Variants in BANK1 observed in about 807,000 individuals in gnomAD.
BANK1 encodes the protein B cell scaffold protein with ankyrin repeats 1.
In BANK1, 95 loss-of-function variants were observed where a neutral mutation model predicts 94.5. That is an observed-to-expected ratio of 1.00 (90% CI 0.85 to 1.19). The LOEUF is 1.19. Among genes scored for constraint, BANK1 ranks in the 50% most tolerant of loss-of-function variants. The pLI is 0.00. For missense variants in BANK1, 987 were observed against 932.2 expected, an observed-to-expected ratio of 1.06 and a Z score of -0.77; for synonymous variants, 334 against 308.4, an observed-to-expected ratio of 1.08 and a Z score of -0.87.
At chr4:102,051,669 C>T (rs1728050477) in intron 11 of BANK1, among the ~76,000 whole-genome samples, 1 of 152,200 alleles carries the variant, frequency 6.6e-6, no homozygotes, top group South Asian at 2.1e-4. Flanking sequence ...TTTAATCCCT[C>T]CCTTACCTCC....
At chr4:101,958,976 C>T (rs1333985262) in intron 7 of BANK1, among the ~76,000 whole-genome samples, 4 of 152,072 alleles carry the variant, frequency 2.6e-5, no homozygotes, top group African/African-American at 7.2e-5. Flanking sequence ...AAAAAACTTG[C>T]GGATGGTCCT....
chr4:101,884,334 A>T (rs1020441371), intron 5 of BANK1, among the ~76,000 whole-genome samples: 1 of 152,178 alleles, frequency 6.6e-6, no homozygotes, highest in African/African-American at 2.4e-5. Flanking sequence ...ACCATTGACC[A>T]AAGTTACTGT....
Position 102,030,268 on chromosome 4 carries a change from A to G in BANK1, c.1900+3A>G, listed in dbSNP as rs761561761. On this transcript the variant is annotated splice_donor_region_variant and intron_variant, in intron 10 of 16. Coordinates refer to ENST00000322953, the MANE Select transcript of BANK1 (RefSeq NM_017935.5). ...AACTACACCTTACATAGCTCAAGGTAATTATCATTGTTGTTTGTTTACTTG... is the reference window on the plus strand; with the variant it reads ...AACTACACCTTACATAGCTCAAGGTGATTATCATTGTTGTTTGTTTACTTG... The G allele has an allele frequency of 7.0e-5, 109 of 1,561,314 alleles. No homozygotes were observed. The highest frequency in any genetic ancestry group is 3.4e-4 in the Middle Eastern group (2 of 5,818).
chr4:101,855,133 G>C lies in BANK1; in HGVS notation c.568G>C (p.Ala190Pro). ...AAAGGAAATTGAAGAACTATCAGAA[G>C]CTTCAAGAAACACCATACCACTAGC... ...ERKEIEELSE[A>P]SRNTIPLAVV... The change falls in exon 3 of 17, where the codon GCT (alanine) becomes CCT (proline). Residue 190 changes from alanine to proline, a missense_variant. Physicochemically the swap from Ala to Pro is conservative, Grantham distance 27. Coordinates refer to ENST00000322953, the MANE Select transcript of BANK1 (RefSeq NM_017935.5). 1 of 1,613,654 alleles carries C rather than the reference G, an allele frequency of 6.2e-7. No homozygotes were observed. The highest frequency in any genetic ancestry group is 8.5e-7 in the Non-Finnish European group (1 of 1,179,604).
chr4:101,910,265 A>G (rs1052935400), intron 6 of BANK1, among the ~76,000 whole-genome samples: 32 of 152,230 alleles, frequency 2.1e-4, no homozygotes, highest in African/African-American at 3.6e-4. Context: ...TGAATCACCA[A>G]TGAGAACCAC....
intron 1 of BANK1, among the ~76,000 whole-genome samples, chr4:101,794,731 G>A (rs4522865): frequency 0.62 from 93,520 of 151,870 alleles, 29,472 homozygotes; most frequent in African/African-American, 0.75. Flanking sequence ...AGCCTTTTAG[G>A]CATTTACCCC....
At chr4:101,989,468 T>G (rs1273671151) in intron 7 of BANK1, among the ~76,000 whole-genome samples, 2 of 151,418 alleles carry the variant, frequency 1.3e-5, no homozygotes, top group Non-Finnish European at 2.9e-5. Flanking sequence ...TTCTTGAATT[T>G]AAAAACCAGA....
At position 102,030,248 on chromosome 4, in the gene BANK1, C is replaced by T. The variant is rs763926881; in HGVS notation, c.1883C>T (p.Thr628Ile). 1.9e-6 allele frequency: 3 copies of T among 1,583,612 alleles called. No individual in the cohort carries two copies. The Admixed American group carries it at 5.9e-5, about 31-fold the overall frequency. The part of the protein sequence containing the change: ...PTSIPPKEET[T>I]PYIAQVFQQK... ...AGTATACCTCCAAAAGAGGAAACTACACCTTACATAGCTCAAGGTAATTAT... is the reference window on the plus strand; with the variant it reads ...AGTATACCTCCAAAAGAGGAAACTATACCTTACATAGCTCAAGGTAATTAT... The change falls in exon 10 of 17, where the codon ACA becomes ATA. Residue 628 changes from threonine (T) to isoleucine (I), a missense_variant. Physicochemically the swap from Thr to Ile is moderately conservative, Grantham distance 89. Coordinates refer to ENST00000322953, the MANE Select transcript of BANK1 (RefSeq NM_017935.5).
intron 7 of BANK1, among the ~76,000 whole-genome samples, chr4:101,933,192 T>A (rs1182264222): frequency 6.6e-6 from 1 of 151,010 alleles, no homozygotes; most frequent in Non-Finnish European, 1.5e-5. Flanking sequence ...ATGGTAGGGA[T>A]AGGACCATAG....
At chr4:102,029,745 G>T (rs1455957023) in intron 9 of BANK1, among the ~76,000 whole-genome samples, 1 of 151,860 alleles carries the variant, frequency 6.6e-6, no homozygotes, top group Non-Finnish European at 1.5e-5. Context: ...ACTACAAAGT[G>T]CAGGATGATT....
At chr4:102,042,238 A>T (rs2148955571) in intron 10 of BANK1, among the ~76,000 whole-genome samples, 1 of 152,190 alleles carries the variant, frequency 6.6e-6, no homozygotes, top group African/African-American at 2.4e-5. Flanking sequence ...ATTTATTTTA[A>T]TATCCTAACG....
At chr4:101,868,382 C>T (rs1168782116) in intron 4 of BANK1, among the ~76,000 whole-genome samples, 1 of 151,874 alleles carries the variant, frequency 6.6e-6, no homozygotes, top group Non-Finnish European at 1.5e-5. Context: ...TGAACAGAAG[C>T]ATTATATAAT....
chr4:101,818,210 ACTG>A (rs992167227), intron 1 of BANK1, among the ~76,000 whole-genome samples: 5 of 152,184 alleles, frequency 3.3e-5, no homozygotes, highest in Non-Finnish European at 5.9e-5. Flanking sequence ...GGGAAAGGTT[ACTG>A]CTGTTTCTAC....
chr4:101,903,893 C>G (rs571174780), intron 6 of BANK1, among the ~76,000 whole-genome samples: 2 of 152,036 alleles, frequency 1.3e-5, no homozygotes, highest in Non-Finnish European at 2.9e-5. Context: ...TAAACCAGCA[C>G]GAGAAATTGA....
intron 11 of BANK1, among the ~76,000 whole-genome samples, chr4:102,057,265 T>C (rs144629693): frequency 1.3e-5 from 2 of 151,786 alleles, no homozygotes; most frequent in Admixed American, 1.3e-4. Context: ...TCTCTTTCTC[T>C]CTCTCTCTCC....
chr4:102,017,116 A>G (rs1726729407), intron 7 of BANK1, among the ~76,000 whole-genome samples: 2 of 152,240 alleles, frequency 1.3e-5, no homozygotes, highest in Admixed American at 1.3e-4. Context: ...TATGAAAAAT[A>G]GAATAAACAA....
At chr4:101,954,461 G>A (rs553818804) in intron 7 of BANK1, among the ~76,000 whole-genome samples, 82 of 152,180 alleles carry the variant, frequency 5.4e-4, no homozygotes, top group Admixed American at 1.1e-3. Flanking sequence ...TCTAAACGAA[G>A]CCAGGTAAAC....
At chr4:101,915,882 A>C (rs1227372889) in intron 6 of BANK1, among the ~76,000 whole-genome samples, 1 of 152,076 alleles carries the variant, frequency 6.6e-6, no homozygotes, top group Non-Finnish European at 1.5e-5. Context: ...TGGAAGAGTA[A>C]CACCTCACAT....
intron 11 of BANK1, among the ~76,000 whole-genome samples, chr4:102,049,219 A>C (rs77796163): frequency 6.6e-6 from 1 of 152,202 alleles, no homozygotes; most frequent in South Asian, 2.1e-4. Context: ...TAAAGTTTCT[A>C]TAAAATATAC....
Sources: gnomAD v4.1 joint callset for allele counts (sites outside exome capture counted in the v4.1 genomes callset) on GRCh38, gnomAD v4.1.1 for gene constraint, MANE v1.5 for transcripts, NCBI Gene and HGNC (gene_info 2026-07-23, HGNC 2026-07-21) for gene names.